Variants in DIP2C observed in about 807,000 individuals in gnomAD.
DIP2C encodes the protein DIP2 acetate--CoA ligase C (putative), also known as disco-interacting protein 2 homolog C.
Under a neutral mutation model 192.4 loss-of-function variants are expected in DIP2C, and 33 were observed. The observed-to-expected ratio is 0.17, with a 90% CI of 0.13 to 0.23. DIP2C has a LOEUF of 0.23. Ranked by LOEUF, DIP2C falls within the 10% of genes least tolerant of loss-of-function variation. The probability of loss-of-function intolerance (pLI) is 1.00; values close to 1 mark genes in which losing one functional copy is unlikely to be tolerated. For synonymous variants in DIP2C, 979 were observed against 864.1 expected, an observed-to-expected ratio of 1.13 and a Z score of -2.33; for missense variants, 1,537 against 2,110.1, an observed-to-expected ratio of 0.73 and a Z score of 5.32.
intron 4 of DIP2C, among the ~76,000 whole-genome samples, chr10:439,330 C>T (rs113683178): frequency 1.0e-4 from 12 of 114,994 alleles, no homozygotes; most frequent in African/African-American, 8.6e-4. Flanking sequence ...GCGTTCACTC[C>T]CTTGCCCACT....
intron 32 of DIP2C, among the ~76,000 whole-genome samples, chr10:301,729 A>T (rs1280659225): frequency 6.6e-6 from 1 of 152,208 alleles, no homozygotes; most frequent in African/African-American, 2.4e-5. Context: ...CGCCTCTGGT[A>T]ACCGCGTCCT....
At chr10:502,893 T>A (rs1015887493) in intron 1 of DIP2C, among the ~76,000 whole-genome samples, 1 of 152,156 alleles carries the variant, frequency 6.6e-6, no homozygotes, top group Non-Finnish European at 1.5e-5. Flanking sequence ...TCTCTCCACG[T>A]TGACCAACAG....
chr10:380,755 C>T lies in DIP2C; in HGVS notation c.1991+1892G>A, dbSNP rs759473860. Among the ~76,000 whole-genome samples the T allele has an allele frequency of 1.9e-4, 29 of 152,210 alleles. 1 individual carries two copies. The highest frequency in any genetic ancestry group is 3.5e-4 in the Non-Finnish European group (24 of 68,048). On this transcript the variant is annotated intron_variant, in intron 17 of 36. Transcript: ENST00000280886. ...CTCATGCCAAAACCTACAGGGAAGC[C>T]TTGCCAGACCTCACTTAGTACAGCT...
intron 1 of DIP2C, among the ~76,000 whole-genome samples, chr10:546,719 A>G (rs1848303655): frequency 6.6e-6 from 1 of 152,154 alleles, no homozygotes; most frequent in Non-Finnish European, 1.5e-5. Flanking sequence ...CTCTTTTACC[A>G]GCACACGATT....
At position 689,528 on chromosome 10, in the gene DIP2C, C is replaced by A; in HGVS notation, c.51G>T (p.Ala17=). ...EGMALPLEVR[A]RLAELELELS... ...GCTCCAGCTCCAGCTCGGCCAGGCG[C>A]GCCCGCACCTCCAGGGGCAGCGCCA... The change falls in exon 1 of 37, where the codon GCG becomes GCT. Residue 17 remains alanine (A), a synonymous_variant. Transcript: ENST00000280886. This position sits in a 1 kb window ranked among gnomAD's most constrained non-coding sequence, Gnocchi z 6.1. The A allele has an allele frequency of 2.3e-6, 3 of 1,298,560 alleles. No homozygotes were observed. The highest frequency in any genetic ancestry group is 4.3e-5 in the East Asian group (1 of 23,054). 80.4% of individuals were successfully genotyped at this position (1,298,560 alleles called of 1,614,324 possible).
At chr10:609,337 CTT>C (rs1006570244) in intron 1 of DIP2C, among the ~76,000 whole-genome samples, 1 of 152,162 alleles carries the variant, frequency 6.6e-6, no homozygotes, top group African/African-American at 2.4e-5. Flanking sequence ...CTGTCAGAAA[CTT>C]TTTCTCAATA....
chr10:344,753 C>T (rs1343744086), intron 28 of DIP2C, 56 bp downstream of exon 28: 1 of 1,475,058 alleles, frequency 6.8e-7, no homozygotes, highest in Non-Finnish European at 9.3e-7. Context: ...GACCTGCCAC[C>T]TCCAGCACGC....
chr10:463,528 C>A lies in DIP2C; in HGVS notation c.268+8911G>T, dbSNP rs746371927. ...AACAAATGGAAAATCATTCCATGCT[C>A]ATGGATAGGAAGAATATCATGAAAA... is the stretch of plus-strand genomic sequence containing the variant. On this transcript the variant is annotated intron_variant, in intron 3 of 36. Coordinates refer to ENST00000280886, the MANE Select transcript of DIP2C (RefSeq NM_014974.3). 2.4e-4 allele frequency among the ~76,000 whole-genome samples: 36 copies of A among 152,160 alleles called. 2 individuals are homozygous for A. The highest frequency in any genetic ancestry group is 1.5e-3 in the South Asian group (7 of 4,826).
At chr10:369,411 CG>C (rs1230861302) in intron 18 of DIP2C, 82 bp downstream of exon 18, 2 of 1,455,544 alleles carry the variant, frequency 1.4e-6, no homozygotes, top group East Asian at 5.0e-5. Context: ...AACGCGGGAA[CG>C]TGGGAACGCA....
chr10:600,637 C>T (rs1015847517), intron 1 of DIP2C, among the ~76,000 whole-genome samples: 2 of 151,756 alleles, frequency 1.3e-5, no homozygotes, highest in African/African-American at 2.4e-5. Context: ...AATGACCCGA[C>T]AGCCCTTTCC....
intron 1 of DIP2C, among the ~76,000 whole-genome samples, chr10:567,021 G>T (rs1849502269): frequency 6.6e-6 from 1 of 152,190 alleles, no homozygotes; most frequent in Non-Finnish European, 1.5e-5. Context: ...ATAATTCTTT[G>T]TAATTGGAAA....
rs114315911 is a variant in DIP2C at position 626,875 on chromosome 10, G to A, written c.85+62619C>T. Among the ~76,000 whole-genome samples, 1,336 of 152,328 alleles carry A rather than the reference G, an allele frequency of 8.8e-3. 26 individuals are homozygous for A. The highest frequency in any genetic ancestry group is 0.031 in the African/African-American group (1,285 of 41,564). ...ACAACTGTTTGGACCATTCGTGAACGAATCAGTTAAATACCAAGAAGGGCC... is the reference window on the plus strand; with the variant it reads ...ACAACTGTTTGGACCATTCGTGAACAAATCAGTTAAATACCAAGAAGGGCC... On this transcript the variant is annotated intron_variant, in intron 1 of 36. Transcript: ENST00000280886.
chr10:452,443 G>A lies in DIP2C; in HGVS notation c.269-11447C>T, dbSNP rs147878036. ...GGGTGAAGAGCAGCTTCTGAAGCAC[G>A]CAGTGTAATTATGAGTGACTAAAGT... On this transcript the variant is annotated intron_variant, in intron 3 of 36. Transcript: ENST00000280886. Among the ~76,000 whole-genome samples, 595 of 152,208 alleles carry A rather than the reference G, an allele frequency of 3.9e-3. 6 individuals are homozygous for A. The highest frequency in any genetic ancestry group is 0.013 in the African/African-American group (560 of 41,518).
chr10:362,809 C>A (rs761984569), intron 21 of DIP2C, 118 bp from the exon 22 acceptor site: 15 of 1,158,900 alleles, frequency 1.3e-5, no homozygotes, highest in Non-Finnish European at 1.8e-5. Context: ...AGCACTGTTC[C>A]CAGCATAAAA....
chr10:645,752 A>C (rs550908794), intron 1 of DIP2C, among the ~76,000 whole-genome samples: 21 of 152,326 alleles, frequency 1.4e-4, no homozygotes, highest in Admixed American at 7.2e-4. Flanking sequence ...ATATGTTGAT[A>C]ACGTTTATCT....
chr10:302,349 A>T (rs1956091738), intron 32 of DIP2C, among the ~76,000 whole-genome samples: 1 of 152,136 alleles, frequency 6.6e-6, no homozygotes, highest in Non-Finnish European at 1.5e-5. Context: ...AAAGTGATAG[A>T]TCTGAGGCCA....
chr10:595,361 A>T (rs1851641532), intron 1 of DIP2C, among the ~76,000 whole-genome samples: 1 of 152,206 alleles, frequency 6.6e-6, no homozygotes, highest in Non-Finnish European at 1.5e-5. Context: ...AAACAGCCAA[A>T]TATTGGCAGT....
intron 17 of DIP2C, among the ~76,000 whole-genome samples, chr10:374,264 G>A (rs1961316069): frequency 6.6e-6 from 1 of 152,110 alleles, no homozygotes; most frequent in Non-Finnish European, 1.5e-5. Flanking sequence ...GAAAGAAAAT[G>A]GAGCATCACA....
At chr10:456,260 A>G (rs1157451940) in intron 3 of DIP2C, among the ~76,000 whole-genome samples, 15 of 92,984 alleles carry the variant, frequency 1.6e-4, no homozygotes, top group East Asian at 6.5e-4. Context: ...AATGAGATGA[A>G]AACACTCTGC....
Sources: gnomAD v4.1 joint callset for allele counts (sites outside exome capture counted in the v4.1 genomes callset) on GRCh38, gnomAD v4.1.1 for gene constraint, Gnocchi (gnomAD v3.1) non-coding constraint, MANE v1.5 for transcripts, NCBI Gene and HGNC (gene_info 2026-07-23, HGNC 2026-07-21) for gene names.